Variants in ARNT observed in about 807,000 individuals in gnomAD.
ARNT encodes aryl hydrocarbon receptor nuclear translocator.
Under a neutral mutation model 105.0 loss-of-function variants are expected in ARNT, and 30 were observed. That is an observed-to-expected ratio of 0.29 (90% CI 0.21 to 0.39). ARNT has a LOEUF of 0.39. Ranked by LOEUF, ARNT falls within the 10% of genes least tolerant of loss-of-function variation. The pLI is 1.00. For missense variants in ARNT, 748 were observed against 978.7 expected (o/e 0.76, Z 3.15); for synonymous variants, 304 against 344.0 (o/e 0.88, Z 1.29).
At chr1:150,873,448 G>A (rs1456728890) in intron 1 of ARNT, among the ~76,000 whole-genome samples, 3 of 151,798 alleles carry the variant, frequency 2.0e-5, no homozygotes, top group South Asian at 2.1e-4. Context: ...TTATCAATTC[G>A]AGAAAAAAAA....
intron 3 of ARNT, among the ~76,000 whole-genome samples, chr1:150,848,411 GAA>G (rs1662665062): frequency 6.6e-6 from 1 of 150,794 alleles, no homozygotes; most frequent in Non-Finnish European, 1.5e-5. Context: ...AGCAGAGATC[GAA>G]CCACTGCACT....
intron 1 of ARNT, among the ~76,000 whole-genome samples, chr1:150,864,667 A>G (rs2102388295): frequency 6.7e-6 from 1 of 148,466 alleles, no homozygotes; most frequent in African/African-American, 2.5e-5. Flanking sequence ...ATGCTAGATG[A>G]CCAGTTAGTG....
In ARNT at chr1:150,860,218, C is replaced by CTTTTT. The variant is rs756996050; in HGVS notation, c.26-1763_26-1759dup. On this transcript the variant is annotated intron_variant, in intron 1 of 21. Transcript: ENST00000358595. ...CCCATGGAATAGAAAAAAAAAAATTCTTTTTTTTTTTTTTTGAGTTAGAGT... is the reference window on the plus strand; with the variant it reads ...CCCATGGAATAGAAAAAAAAAAATTCTTTTTTTTTTTTTTTTTTTTGAGTTAGAGT... 7.8e-3 allele frequency among the ~76,000 whole-genome samples: 887 copies of CTTTTT among 112,996 alleles called. 31 individuals are homozygous for CTTTTT. The highest frequency in any genetic ancestry group is 9.8e-3 in the Non-Finnish European group (566 of 57,494). 74.1% of individuals were successfully genotyped at this position (112,996 alleles called of 152,430 possible). A position where few individuals can be genotyped will look rare whatever the true frequency, so the allele number is the denominator to read the frequency against.
At chr1:150,852,616 A>C (rs1159680143) in intron 3 of ARNT, 146 bp downstream of exon 3, 1 of 700,588 alleles carries the variant, frequency 1.4e-6, no homozygotes, top group Non-Finnish European at 2.3e-6. Context: ...AATGCTTAAA[A>C]ATTTTCTGAG....
At chr1:150,820,568 G>A (rs1656835761) in intron 14 of ARNT, among the ~76,000 whole-genome samples, 3 of 152,042 alleles carry the variant, frequency 2.0e-5, no homozygotes, top group Non-Finnish European at 4.4e-5. Context: ...GAGGTGGGAG[G>A]ATCACTTGAG....
At chr1:150,817,551 T>C in intron 15 of ARNT, 118 bp from the exon 16 acceptor site, 1 of 938,748 alleles carries the variant, frequency 1.1e-6, no homozygotes, top group Non-Finnish European at 1.6e-6. Context: ...CTCATGCCTG[T>C]AATCCCAACA....
At chr1:150,825,919 TC>T (rs1429993084) in intron 13 of ARNT, among the ~76,000 whole-genome samples, 4 of 151,140 alleles carry the variant, frequency 2.6e-5, no homozygotes, top group African/African-American at 9.7e-5. Flanking sequence ...TTCTTTTTTA[TC>T]TTTTTTTTTT....
rs370308208 is a variant in ARNT, at chr1:150,812,086, G to C, written c.2305C>G (p.Gln769Glu). The change falls in exon 22 of 22, where the codon CAG (glutamine) becomes GAG (glutamate). Residue 769 changes from glutamine (Q) to glutamate (E), a missense_variant. Coordinates refer to ENST00000358595, the MANE Select transcript of ARNT (RefSeq NM_001668.4). ...TCTTCATTGTTGTAGCTGTTGCTCT[G>C]ATCTCCCAGCATGGACAGCATCTCC... ...FQEMLSMLGD[Q>E]SNSYNNEEFP... The C allele has an allele frequency of 4.1e-5, 65 of 1,573,008 alleles. No homozygotes were observed. The highest frequency in any genetic ancestry group is 5.1e-5 in the Non-Finnish European group (59 of 1,156,988).
At chr1:150,838,486 G>A (rs1660700472) in intron 6 of ARNT, among the ~76,000 whole-genome samples, 2 of 152,172 alleles carry the variant, frequency 1.3e-5, no homozygotes, top group South Asian at 2.1e-4. Context: ...CACATGTACT[G>A]TTAGAACATA....
At chr1:150,848,764 T>C (rs1013655649) in intron 3 of ARNT, among the ~76,000 whole-genome samples, 2 of 152,136 alleles carry the variant, frequency 1.3e-5, no homozygotes, top group African/African-American at 2.4e-5. Context: ...ATTCCAGAGC[T>C]TAAGCGATCC....
chr1:150,821,809 C>G (rs1475388027), intron 14 of ARNT, among the ~76,000 whole-genome samples: 4 of 149,098 alleles, frequency 2.7e-5, no homozygotes, highest in Non-Finnish European at 5.9e-5. Flanking sequence ...CCACCATGCC[C>G]AGCTAATTTT....
chr1:150,844,011 G>A (rs1227760320), intron 4 of ARNT, among the ~76,000 whole-genome samples: 1 of 152,080 alleles, frequency 6.6e-6, no homozygotes, highest in Non-Finnish European at 1.5e-5. Flanking sequence ...CATTAAGCAG[G>A]ACAAATGAAA....
At chr1:150,844,476 C>T (rs1331676575) in intron 4 of ARNT, among the ~76,000 whole-genome samples, 1 of 152,068 alleles carries the variant, frequency 6.6e-6, no homozygotes, top group Non-Finnish European at 1.5e-5. Context: ...TAACTACTTC[C>T]CCTGATATTT....
In ARNT at chr1:150,829,958, G is replaced by A. The variant is rs1354057871; in HGVS notation, c.978C>T (p.Asp326=). The A allele has an allele frequency of 6.2e-7, 1 of 1,614,200 alleles. No individual in the cohort carries two copies. Among genetic ancestry groups the A allele is most frequent in the Non-Finnish European group, 8.5e-7 (1 of 1,180,038 alleles). ...ACTTGCTTCCCTGGCCAGCCTCTGG[G>A]TCATCATCTGGGAGGGAAACACCTT... is the stretch of plus-strand genomic sequence containing the variant. ...PPAGVSLPDD[D]PEAGQGSKFC... Residue 326 remains aspartate (D), a synonymous_variant, in exon 11 of 22, where the codon GAC becomes GAT. Transcript: ENST00000358595.
chr1:150,828,992 A>G, intron 12 of ARNT, 101 bp downstream of exon 12: 1 of 1,375,596 alleles, frequency 7.3e-7, no homozygotes, highest in Non-Finnish European at 9.8e-7. Context: ...CTTTTTCTTA[A>G]CTGAGGTTGA....
rs2101596783 is a variant in ARNT, at chr1:150,816,292, C to A, written c.1917G>T (p.Trp639Cys). 1 of 1,606,948 alleles carries A rather than the reference C, an allele frequency of 6.2e-7. No individual in the cohort carries two copies. The highest frequency in any genetic ancestry group is 2.2e-5 in the East Asian group (1 of 44,474). ...AAAAGCCTGAGCGGGTAGTAGGGGT[C>A]CAAGTTGGGGTTGCTCCTTGGGTGG... is the stretch of plus-strand genomic sequence containing the variant. The part of the protein sequence containing the change: ...SNPTQGATPT[W>C]TPTTRSGFSA... Residue 639 changes from tryptophan (W) to cysteine (C), a missense_variant, in exon 19 of 22, where the codon TGG (tryptophan) becomes TGT (cysteine). Around this residue, in one of 4 missense-constraint regions of ARNT, gnomAD observed 360 missense variants for 411.9 expected, o/e 0.87. Coordinates refer to ENST00000358595, the MANE Select transcript of ARNT (RefSeq NM_001668.4).
chr1:150,816,165 G>T, intron 19 of ARNT, 94 bp downstream of exon 19: 1 of 1,438,562 alleles, frequency 7.0e-7, no homozygotes, highest in Non-Finnish European at 9.4e-7. Context: ...TGGGGAGAAG[G>T]TATTTAAAAT....
At chr1:150,850,493 G>A (rs1392639174) in intron 3 of ARNT, among the ~76,000 whole-genome samples, 4 of 152,336 alleles carry the variant, frequency 2.6e-5, no homozygotes, top group South Asian at 2.1e-4. Flanking sequence ...TGGGTTGGCC[G>A]GGCTGGTCTC....
intron 4 of ARNT, among the ~76,000 whole-genome samples, chr1:150,843,137 AATT>A (rs1329525224): frequency 6.6e-6 from 1 of 152,202 alleles, no homozygotes; most frequent in East Asian, 1.9e-4. Context: ...TTCCTAAAAT[AATT>A]ATTAACTTTG....
Sources: gnomAD v4.1 joint callset for allele counts (sites outside exome capture counted in the v4.1 genomes callset) on GRCh38, gnomAD v4.1.1 for gene constraint, gnomAD v4.1.1 regional missense constraint, MANE v1.5 for transcripts, NCBI Gene and HGNC (gene_info 2026-07-23, HGNC 2026-07-21) for gene names.